Variants in ENTREP2 observed in about 807,000 individuals in gnomAD.
ENTREP2 encodes the protein endosomal transmembrane epsin interactor 2.
the ENTREP2 span, among the ~76,000 whole-genome samples, chr15:29,210,827 C>T: frequency 6.6e-5 from 10 of 152,284 alleles, no homozygotes; most frequent in South Asian, 2.1e-4. Context: ...GGCATCCCAC[C>T]GTAATGGACT....
chr15:29,450,658 T>C, the ENTREP2 span, among the ~76,000 whole-genome samples: 1 of 152,200 alleles, frequency 6.6e-6, no homozygotes, highest in African/African-American at 2.4e-5. Context: ...TAAAGACACA[T>C]GCATGCATAT....
chr15:29,222,693 T>C, the ENTREP2 span, among the ~76,000 whole-genome samples: 65,027 of 151,820 alleles, frequency 0.43, 14,225 homozygotes, highest in East Asian at 0.6. Context: ...TCAGGAGAGG[T>C]TCAGGGGCCT....
At chr15:29,565,587 T>C in the ENTREP2 span, among the ~76,000 whole-genome samples, 3 of 152,234 alleles carry the variant, frequency 2.0e-5, no homozygotes, top group Non-Finnish European at 4.4e-5. Context: ...GGAATATTCG[T>C]TATACATTAA....
At chr15:29,126,189 T>C in the ENTREP2 span, 1 of 1,201,502 alleles carries the variant, frequency 8.3e-7, no homozygotes. Context: ...GCCTCCACTC[T>C]CAGGGGTCAC....
chr15:29,345,926 C>T, the ENTREP2 span, among the ~76,000 whole-genome samples: 6 of 152,178 alleles, frequency 3.9e-5, no homozygotes, highest in Non-Finnish European at 8.8e-5. Context: ...CAGACACCAA[C>T]CTAAGCACCT....
chr15:29,138,381 T>C, the ENTREP2 span, among the ~76,000 whole-genome samples: 1 of 152,242 alleles, frequency 6.6e-6, no homozygotes, highest in Admixed American at 6.5e-5. Flanking sequence ...TGGCGTGAGA[T>C]GCCTGGGACA....
At chr15:29,303,479 T>C in the ENTREP2 span, among the ~76,000 whole-genome samples, 2 of 152,152 alleles carry the variant, frequency 1.3e-5, no homozygotes, top group Non-Finnish European at 2.9e-5. Context: ...ATTTTTTTTT[T>C]AGGTTTAGGG....
the ENTREP2 span, among the ~76,000 whole-genome samples, chr15:29,261,433 A>C: frequency 6.6e-6 from 1 of 152,102 alleles, no homozygotes; most frequent in Admixed American, 6.5e-5. Flanking sequence ...AGTCTGAGCT[A>C]ATTAGGAGGC....
the ENTREP2 span, among the ~76,000 whole-genome samples, chr15:29,674,139 G>T: frequency 2.0e-5 from 3 of 149,898 alleles, no homozygotes; most frequent in East Asian, 1.9e-4. Context: ...GGGGGGGGGG[G>T]GGGGCTTTGC....
the ENTREP2 span, among the ~76,000 whole-genome samples, chr15:29,394,344 A>G: frequency 6.6e-6 from 1 of 152,168 alleles, no homozygotes; most frequent in Non-Finnish European, 1.5e-5. Context: ...AAACAATGTC[A>G]TTGAACTATG....
the ENTREP2 span, among the ~76,000 whole-genome samples, chr15:29,649,739 AAAAAAAGAAAGAAAGAAAG>A: frequency 6.6e-6 from 1 of 151,590 alleles, no homozygotes; most frequent in African/African-American, 2.4e-5. Context: ...AAAAAAAAAA[AAAAAAAGAAAGAAAGAAAG>A]AAAAAAGAAA....
At chr15:29,421,770 A>G in the ENTREP2 span, among the ~76,000 whole-genome samples, 108 of 152,342 alleles carry the variant, frequency 7.1e-4, no homozygotes, top group Admixed American at 1.6e-3. Flanking sequence ...AAATTAAGCC[A>G]AAACTCCCAG....
At chr15:29,640,962 A>G in the ENTREP2 span, among the ~76,000 whole-genome samples, 1 of 152,218 alleles carries the variant, frequency 6.6e-6, no homozygotes, top group South Asian at 2.1e-4. Context: ...CAATGTGTAA[A>G]AAGGATTTAC....
chr15:29,195,149 T>C, the ENTREP2 span: 1 of 985,320 alleles, frequency 1.0e-6, no homozygotes. Flanking sequence ...AGTGCTGCAG[T>C]TCTTGATTCC....
chr15:29,138,611 T>TTGTA, the ENTREP2 span, among the ~76,000 whole-genome samples: 1 of 151,598 alleles, frequency 6.6e-6, no homozygotes, highest in East Asian at 2.0e-4. Context: ...ATGTGTGTGT[T>TTGTA]TGTATGTATG....
the ENTREP2 span, among the ~76,000 whole-genome samples, chr15:29,581,687 C>T: frequency 4.0e-5 from 6 of 151,638 alleles, no homozygotes; most frequent in Admixed American, 1.3e-4. Flanking sequence ...TACTGCAATT[C>T]CTATCAAAAT....
At chr15:29,495,759 T>C in the ENTREP2 span, among the ~76,000 whole-genome samples, 1 of 152,120 alleles carries the variant, frequency 6.6e-6, no homozygotes, top group Admixed American at 6.5e-5. Flanking sequence ...TTCTGTTCCA[T>C]TGGTCTATGT....
At chr15:29,525,744 G>A in the ENTREP2 span, among the ~76,000 whole-genome samples, 1 of 152,164 alleles carries the variant, frequency 6.6e-6, no homozygotes, top group African/African-American at 2.4e-5. Context: ...TTTGAGAGGG[G>A]TATCACAAGA....
At chr15:29,161,703 G>A in the ENTREP2 span, among the ~76,000 whole-genome samples, 6 of 152,168 alleles carry the variant, frequency 3.9e-5, no homozygotes, top group African/African-American at 1.4e-4. Flanking sequence ...CTTCTGAATT[G>A]TAAGTTCAGA....
Sources: gnomAD v4.1 joint callset for allele counts (sites outside exome capture counted in the v4.1 genomes callset) on GRCh38, gnomAD v4.1.1 for gene constraint, MANE v1.5 for transcripts, NCBI Gene and HGNC (gene_info 2026-07-23, HGNC 2026-07-21) for gene names.